Variants in RALYL observed in about 807,000 individuals in gnomAD.
RALYL encodes RNA-binding Raly-like protein.
In RALYL, 29 loss-of-function variants were observed where a neutral mutation model predicts 35.1. That is an observed-to-expected ratio of 0.83 (90% CI 0.61 to 1.13). The LOEUF is 1.13. Ranked by LOEUF, RALYL falls within the 50% of genes most tolerant of loss-of-function variation. The pLI, the probability that RALYL is intolerant of heterozygous loss-of-function variation, is 0.00. For synonymous variants in RALYL, 120 were observed against 127.6 expected (o/e 0.94, Z 0.40); for missense variants, 359 against 360.4 (o/e 1.00, Z 0.03).
At chr8:84,863,904 A>AG (rs2135090552) in intron 6 of RALYL, among the ~76,000 whole-genome samples, 2 of 152,316 alleles carry the variant, frequency 1.3e-5, no homozygotes, top group South Asian at 4.1e-4. Flanking sequence ...AAAGAAAAGG[A>AG]GTTTCTGCAA....
intron 1 of RALYL, among the ~76,000 whole-genome samples, chr8:84,320,010 T>C (rs1023092158): frequency 2.0e-5 from 3 of 152,068 alleles, no homozygotes; most frequent in African/African-American, 7.2e-5. Flanking sequence ...TATAAATTCC[T>C]AAATAAAATA....
intron 2 of RALYL, among the ~76,000 whole-genome samples, chr8:84,570,769 G>A (rs1280122442): frequency 6.6e-6 from 1 of 151,600 alleles, no homozygotes; most frequent in Non-Finnish European, 1.5e-5. Flanking sequence ...TTTGATGCCT[G>A]GTTTTTTGTG....
rs1426310819 is a variant in RALYL at position 84,616,972 on chromosome 8, C to A, written c.256+87395C>A. 2.0e-5 allele frequency among the ~76,000 whole-genome samples: 3 copies of A among 149,810 alleles called. 1 individual carries two copies. Among genetic ancestry groups the A allele is most frequent in the African/African-American group, 7.5e-5 (3 of 40,118 alleles). On this transcript the variant is annotated intron_variant, in intron 2 of 8. Coordinates refer to ENST00000521268, the MANE Select transcript of RALYL (RefSeq NM_173848.7). ...CTATATCTCTGTTTTGGTACCAGTA[C>A]CATGCTGTTTTGGTTACTGTAGCCT...
intron 2 of RALYL, among the ~76,000 whole-genome samples, chr8:84,599,425 T>C (rs1233418981): frequency 1.3e-5 from 2 of 152,024 alleles, no homozygotes; most frequent in Non-Finnish European, 2.9e-5. Context: ...TTCAAGATAA[T>C]ACTTTGTATT....
chr8:84,838,933 C>T (rs1214410408), intron 4 of RALYL, among the ~76,000 whole-genome samples: 2 of 152,124 alleles, frequency 1.3e-5, no homozygotes, highest in Admixed American at 6.5e-5. Flanking sequence ...TCTGAGATTA[C>T]AGCATAAAAA....
At chr8:84,685,104 C>T (rs1405383706) in intron 2 of RALYL, among the ~76,000 whole-genome samples, 1 of 152,062 alleles carries the variant, frequency 6.6e-6, no homozygotes, top group Admixed American at 6.6e-5. Context: ...TAACTCATTA[C>T]CTCCCAAAGG....
chr8:84,339,255 T>G (rs1303775830), intron 1 of RALYL, among the ~76,000 whole-genome samples: 1 of 151,964 alleles, frequency 6.6e-6, no homozygotes, highest in Non-Finnish European at 1.5e-5. Context: ...CAGTACCAGT[T>G]TGTGGCCTGT....
intron 1 of RALYL, among the ~76,000 whole-genome samples, chr8:84,476,654 C>A (rs1166673269): frequency 6.6e-6 from 1 of 152,122 alleles, no homozygotes; most frequent in Non-Finnish European, 1.5e-5. Flanking sequence ...CCCTCGTTGC[C>A]AAATTTCTCA....
intron 1 of RALYL, among the ~76,000 whole-genome samples, chr8:84,279,831 T>A (rs1454364979): frequency 6.6e-6 from 1 of 152,212 alleles, no homozygotes; most frequent in Non-Finnish European, 1.5e-5. Context: ...TGTGGCCCAC[T>A]CAGCTAATCC....
At chr8:84,883,584 C>T (rs918476637) in intron 7 of RALYL, among the ~76,000 whole-genome samples, 1 of 151,914 alleles carries the variant, frequency 6.6e-6, no homozygotes, top group African/African-American at 2.4e-5. Context: ...GGAAACCACC[C>T]CCATCATTCA....
Position 84,558,002 on chromosome 8 carries a change from A to G in RALYL, c.256+28425A>G, listed in dbSNP as rs577083946. Among the ~76,000 whole-genome samples the G allele has an allele frequency of 4.6e-5, 7 of 152,280 alleles. No individual in the cohort carries two copies. In the South Asian group the frequency reaches 1.4e-3, roughly 32 times the overall value. On this transcript the variant is annotated intron_variant, in intron 2 of 8. Coordinates refer to ENST00000521268, the MANE Select transcript of RALYL (RefSeq NM_173848.7). ...GTTACTTAGTTTCGTGATCCATCCC[A>G]TTAATGTAATGTTGCTGATTTGAAT...
intron 1 of RALYL, among the ~76,000 whole-genome samples, chr8:84,296,264 G>A (rs562538301): frequency 3.5e-4 from 54 of 152,202 alleles, no homozygotes; most frequent in Middle Eastern, 3.4e-3. Flanking sequence ...TCTGCTACTG[G>A]CTGAATGCAG....
chr8:84,535,737 G>A (rs979535687), intron 2 of RALYL, among the ~76,000 whole-genome samples: 2 of 151,672 alleles, frequency 1.3e-5, no homozygotes, highest in Non-Finnish European at 2.9e-5. Context: ...GCCTCCCAAA[G>A]TGCTGGATTA....
chr8:84,839,524 T>C (rs1014603637), intron 4 of RALYL, among the ~76,000 whole-genome samples: 5 of 152,180 alleles, frequency 3.3e-5, no homozygotes, highest in African/African-American at 1.2e-4. Flanking sequence ...CCTGCCTCTG[T>C]AGACTCCACC....
At chr8:84,741,571 CT>C (rs1177918837) in intron 2 of RALYL, among the ~76,000 whole-genome samples, 1 of 151,884 alleles carries the variant, frequency 6.6e-6, no homozygotes, top group African/African-American at 2.4e-5. Context: ...CTCTCCAGCC[CT>C]TTTACAAAGT....
intron 7 of RALYL, among the ~76,000 whole-genome samples, chr8:84,877,285 G>A (rs1036116242): frequency 8.6e-4 from 131 of 151,944 alleles, no homozygotes; most frequent in African/African-American, 3.0e-3. Flanking sequence ...TTAGGAGTTC[G>A]AGACCAGCCT....
intron 2 of RALYL, among the ~76,000 whole-genome samples, chr8:84,560,685 C>A (rs1225646603): frequency 6.6e-6 from 1 of 151,848 alleles, no homozygotes; most frequent in African/African-American, 2.4e-5. Flanking sequence ...GTATCAGTGG[C>A]AAATGATACT....
At chr8:84,554,605 G>C (rs71522972) in intron 2 of RALYL, among the ~76,000 whole-genome samples, 7 of 152,056 alleles carry the variant, frequency 4.6e-5, no homozygotes, top group Non-Finnish European at 1.0e-4. Flanking sequence ...AGAGCACTCC[G>C]TTTCTCCAGC....
chr8:84,887,839 A>C, intron 8 of RALYL, 63 bp downstream of exon 8: 394 of 1,378,888 alleles, frequency 2.9e-4, no homozygotes, highest in Non-Finnish European at 3.5e-4. Flanking sequence ...TTAGCAACTC[A>C]TTCATTCTAA....
Sources: gnomAD v4.1 joint callset for allele counts (sites outside exome capture counted in the v4.1 genomes callset) on GRCh38, gnomAD v4.1.1 for gene constraint, MANE v1.5 for transcripts, NCBI Gene and HGNC (gene_info 2026-07-23, HGNC 2026-07-21) for gene names.